The following DPP6 variants were observed in gnomAD, a reference collection of about 807,000 sequenced individuals.
DPP6 encodes A-type potassium channel modulatory protein DPP6.
A neutral mutation model predicts 122.6 loss-of-function variants in DPP6; 69 were observed. The ratio of observed to expected loss-of-function variants is 0.56; its 90% CI spans 0.46 to 0.69. The LOEUF is 0.69. DPP6 is among the 30% of genes least tolerant of loss of function. DPP6 has a pLI of 0.00. For missense variants in DPP6, 928 were observed against 1,116.9 expected (o/e 0.83, Z 2.41); for synonymous variants, 418 against 433.1 (o/e 0.97, Z 0.43).
intron 1 of DPP6, among the ~76,000 whole-genome samples, chr7:154,420,064 C>A (rs576671257): frequency 6.6e-6 from 1 of 152,206 alleles, no homozygotes; most frequent in East Asian, 1.9e-4. Context: ...AAGGCCGGCA[C>A]GGTGGCTTTT....
chr7:154,666,276 A>G (rs557935226), intron 6 of DPP6, among the ~76,000 whole-genome samples: 31 of 150,414 alleles, frequency 2.1e-4, no homozygotes, highest in Non-Finnish European at 2.9e-4. Flanking sequence ...TGACATGGAA[A>G]TCACTCCATA....
chr7:154,809,247 T>C (rs957674476), intron 16 of DPP6, among the ~76,000 whole-genome samples: 12 of 151,482 alleles, frequency 7.9e-5, no homozygotes, highest in African/African-American at 2.4e-4. Flanking sequence ...ACAGGGTTTC[T>C]TTTTTTAAAA....
rs1802053489 is a variant in DPP6 at position 154,062,089 on chromosome 7, C to G, written c.243+9026C>G. 1.8e-5 allele frequency among the ~76,000 whole-genome samples: 2 copies of G among 110,194 alleles called. 1 individual carries two copies. Among genetic ancestry groups the G allele is most frequent in the Non-Finnish European group, 3.9e-5 (2 of 50,674 alleles). The allele number at this position is 110,194 out of a possible 152,430, so 72.3% of individuals were successfully genotyped here. On this transcript the variant is annotated intron_variant, in intron 1 of 25. Coordinates refer to ENST00000377770, the MANE Select transcript of DPP6 (RefSeq NM_130797.4). ...GTTCCCCCACTGGCTCTTAGGACCCCCATCGCAGAGGGGGGACGCACCCCC... is the reference window on the plus strand; with the variant it reads ...GTTCCCCCACTGGCTCTTAGGACCCGCATCGCAGAGGGGGGACGCACCCCC...
the DPP6 span, among the ~76,000 whole-genome samples, chr7:153,784,760 T>C: frequency 6.6e-6 from 1 of 152,196 alleles, no homozygotes; most frequent in Non-Finnish European, 1.5e-5. Context: ...GTTTTCTTCT[T>C]CATAAAGCTG....
chr7:153,942,231 G>A (rs370181029), intron 1 of DPP6, among the ~76,000 whole-genome samples: 6 of 152,296 alleles, frequency 3.9e-5, no homozygotes, highest in East Asian at 1.9e-4. Flanking sequence ...ACCACCCCAC[G>A]CCTGGCATCC....
chr7:154,475,788 T>A (rs1024050769), intron 3 of DPP6: 3 of 152,500 alleles, frequency 2.0e-5, no homozygotes, highest in Non-Finnish European at 2.9e-5. Context: ...GTTGCTTACA[T>A]TTCATCTTTG....
intron 3 of DPP6, among the ~76,000 whole-genome samples, chr7:154,524,568 G>A (rs887277967): frequency 2.0e-5 from 3 of 152,194 alleles, no homozygotes; most frequent in Admixed American, 6.5e-5. Context: ...GGAGCAACTC[G>A]GTTTGTTCTT....
chr7:154,893,531 C>T lies in DPP6; in HGVS notation c.*1051C>T, dbSNP rs568536241. ...CACCCACAGGCCCGCTGTGTGTGCT[C>T]GGGCCACGGGAGTCCTGAGGGTTCT... On this transcript the variant is annotated 3_prime_UTR_variant, in exon 26 of 26. Coordinates refer to ENST00000377770, the MANE Select transcript of DPP6 (RefSeq NM_130797.4). The T allele has an allele frequency of 3.3e-5, 5 of 150,476 alleles. No individual in the cohort carries two copies. Among genetic ancestry groups the T allele is most frequent in the Admixed American group, 6.6e-5 (1 of 15,124 alleles). The allele number at this position is 150,476 out of a possible 1,614,324, so 9.3% of individuals were successfully genotyped here. A position where few individuals can be genotyped will look rare whatever the true frequency, so the allele number is the denominator to read the frequency against.
intron 1 of DPP6, among the ~76,000 whole-genome samples, chr7:153,995,847 C>T (rs945145305): frequency 6.6e-6 from 1 of 152,158 alleles, no homozygotes; most frequent in Non-Finnish European, 1.5e-5. Flanking sequence ...GATGAAACAT[C>T]ACTTCCTCCA....
intron 1 of DPP6, among the ~76,000 whole-genome samples, chr7:154,116,492 C>T (rs1202388910): frequency 6.6e-6 from 1 of 152,116 alleles, no homozygotes; most frequent in African/African-American, 2.4e-5. Flanking sequence ...TCTAATTCTC[C>T]CAGAAAGTCA....
chr7:154,726,432 A>G (rs976112585), intron 7 of DPP6, among the ~76,000 whole-genome samples: 1 of 152,218 alleles, frequency 6.6e-6, no homozygotes, highest in African/African-American at 2.4e-5. Context: ...GAAGCCACCA[A>G]GACTTGGGGC....
intron 1 of DPP6, among the ~76,000 whole-genome samples, chr7:154,420,549 C>T (rs535647108): frequency 5.3e-5 from 8 of 151,900 alleles, no homozygotes; most frequent in East Asian, 1.9e-4. Context: ...AAAATTTCAG[C>T]GATGGGGGTG....
At chr7:154,234,612 C>A (rs1801095774) in intron 1 of DPP6, among the ~76,000 whole-genome samples, 1 of 152,012 alleles carries the variant, frequency 6.6e-6, no homozygotes, top group African/African-American at 2.4e-5. Context: ...CCCACACATA[C>A]CCAACACACA....
intron 17 of DPP6, among the ~76,000 whole-genome samples, chr7:154,865,751 C>T (rs1453855704): frequency 6.6e-6 from 1 of 152,152 alleles, no homozygotes; most frequent in Non-Finnish European, 1.5e-5. Context: ...TTGCAGCTTC[C>T]TGAGACACTC....
At position 154,894,258 on chromosome 7, in the gene DPP6, A is replaced by C. The variant is rs1228865029; in HGVS notation, c.*1778A>C. On this transcript the variant is annotated 3_prime_UTR_variant, in exon 26 of 26. Coordinates refer to ENST00000377770, the MANE Select transcript of DPP6 (RefSeq NM_130797.4). ...GGATGTGGCATGGTAGCGTCTGTTC[A>C]TCCATGGAATAAAACATTATTTTAC... The C allele has an allele frequency of 6.6e-6, 1 of 152,254 alleles. No individual in the cohort carries two copies. Among genetic ancestry groups the C allele is most frequent in the Non-Finnish European group, 1.5e-5 (1 of 68,058 alleles). 9.4% of individuals were successfully genotyped at this position (152,254 alleles called of 1,614,324 possible).
intron 6 of DPP6, among the ~76,000 whole-genome samples, chr7:154,646,275 G>A (rs1836474619): frequency 6.6e-6 from 1 of 152,052 alleles, no homozygotes; most frequent in African/African-American, 2.4e-5. Context: ...AGTGAGTTTT[G>A]CCTCTGAGGT....
chr7:154,609,587 A>G (rs1173953332), intron 5 of DPP6, among the ~76,000 whole-genome samples: 3 of 152,176 alleles, frequency 2.0e-5, no homozygotes, highest in Non-Finnish European at 4.4e-5. Flanking sequence ...ACACACATGC[A>G]CATGCACACA....
chr7:153,883,378 C>CT (rs1019751298), upstream of DPP6, among the ~76,000 whole-genome samples: 7 of 122,564 alleles, frequency 5.7e-5, no homozygotes, highest in South Asian at 2.6e-4. Context: ...CCTTCTTTTC[C>CT]TTTTTTTTGT....
intron 5 of DPP6, among the ~76,000 whole-genome samples, chr7:154,626,891 G>A (rs560082066): frequency 2.0e-5 from 3 of 151,686 alleles, no homozygotes; most frequent in Non-Finnish European, 2.9e-5. Context: ...AAGAACCTTC[G>A]GTTTACATGG....
Sources: allele counts gnomAD v4.1 joint callset (sites outside exome capture counted in the v4.1 genomes callset), GRCh38; gene constraint gnomAD v4.1.1; transcripts MANE v1.5; gene names NCBI Gene and HGNC (gene_info 2026-07-23, HGNC 2026-07-21).